Variants in TTC19 observed in about 807,000 individuals in gnomAD.
The protein encoded by TTC19 is tetratricopeptide repeat domain 19.
Under a neutral mutation model 49.5 loss-of-function variants are expected in TTC19, and 38 were observed. The observed-to-expected ratio is 0.77, with a 90% CI of 0.59 to 1.01. The LOEUF is 1.01. TTC19 is among the 50% of genes least tolerant of loss of function. TTC19 has a pLI of 0.00. For missense variants in TTC19, 475 were observed against 477.7 expected, an observed-to-expected ratio of 0.99 and a Z score of 0.05; for synonymous variants, 204 against 185.2, an observed-to-expected ratio of 1.10 and a Z score of -0.83.
intron 7 of TTC19, chr17:16,024,798 A>G: frequency 1.8e-6 from 1 of 566,922 alleles, no homozygotes; most frequent in South Asian, 2.1e-5. Flanking sequence ...CAAACTAAAA[A>G]TAACATTCCA....
chr17:16,004,056 T>C, intron 5 of TTC19, 145 bp from the exon 6 acceptor site: 1 of 1,109,808 alleles, frequency 9.0e-7, no homozygotes, highest in Middle Eastern at 2.0e-4. Flanking sequence ...AACAGCATGC[T>C]TGCCAAGGAA....
At chr17:16,011,463 G>A (rs1447722994) in intron 7 of TTC19, among the ~76,000 whole-genome samples, 1 of 152,204 alleles carries the variant, frequency 6.6e-6, no homozygotes, top group Non-Finnish European at 1.5e-5. Flanking sequence ...GTGAGCCACC[G>A]CGCCCGGCCG....
intron 3 of TTC19, 31 bp downstream of exon 3, chr17:16,002,056 T>TG: frequency 1.4e-6 from 2 of 1,469,660 alleles, no homozygotes; most frequent in Non-Finnish European, 1.9e-6. Flanking sequence ...GAACCACTGA[T>TG]GAGGAAGGTT....
In TTC19 at chr17:16,035,605, G is replaced by A. The variant is rs371302231; in HGVS notation, c.248-8898G>A. ...GGCTGCACTGCAGTGGCACAATCAC[G>A]GCTTACCAGCTCACTAAAGCCTCAA... On this transcript the variant is annotated intron_variant, in intron 2 of 2. Transcript: ENST00000470649. Among the ~76,000 whole-genome samples, 10 of 149,076 alleles carry A rather than the reference G, an allele frequency of 6.7e-5. No individual in the cohort carries two copies. The South Asian group carries it at 1.5e-3, about 22-fold the overall frequency.
At chr17:16,024,110 T>C (rs917405767) in intron 7 of TTC19, 3 of 152,200 alleles carry the variant, frequency 2.0e-5, no homozygotes, top group South Asian at 4.1e-4. Context: ...CAGGTTGATA[T>C]AGGTTACCGT....
chr17:16,024,133 TG>T (rs1173942247), intron 7 of TTC19: 11 of 152,224 alleles, frequency 7.2e-5, no homozygotes, highest in African/African-American at 2.7e-4. Context: ...TCTAGATCTG[TG>T]TCTCCAATTC....
intron 2 of TTC19, 188 bp downstream of exon 2, chr17:16,000,433 A>G: frequency 1.4e-6 from 2 of 1,440,924 alleles, no homozygotes; most frequent in Admixed American, 2.4e-5. Context: ...TCCGACTCTA[A>G]GGCCTGCAGT....
At chr17:16,031,910 A>G, downstream of TTC19, 1 of 242,036 alleles carries the variant, frequency 4.1e-6, no homozygotes, top group East Asian at 6.0e-5. Context: ...GCTGATTTGA[A>G]CATAAGTACA....
chr17:16,008,546 T>A (rs188062771), intron 7 of TTC19, among the ~76,000 whole-genome samples: 1 of 152,212 alleles, frequency 6.6e-6, no homozygotes, highest in South Asian at 2.1e-4. Flanking sequence ...AAGACCTCAG[T>A]ACCTTTGTAT....
chr17:16,044,761 T>G, exon 3 of TTC19: 1 of 867,920 alleles, frequency 1.2e-6, no homozygotes, highest in Non-Finnish European at 2.0e-6. Flanking sequence ...CCAGCTTGTT[T>G]GCAATGGCCC....
intron 2 of TTC19, chr17:16,040,734 A>G (rs2057406667): frequency 1.9e-6 from 1 of 535,084 alleles, no homozygotes; most frequent in African/African-American, 1.9e-5. Context: ...AGGAACATCA[A>G]AAGAAGAGCA....
At chr17:16,034,180 C>T (rs908829744), downstream of TTC19, among the ~76,000 whole-genome samples, 3 of 152,254 alleles carry the variant, frequency 2.0e-5, no homozygotes, top group South Asian at 2.1e-4. Flanking sequence ...AGTCAATGTT[C>T]GCTACCAGTG....
intron 2 of TTC19, chr17:16,000,453 G>A (rs1002197049): frequency 9.3e-6 from 13 of 1,394,500 alleles, no homozygotes; most frequent in Non-Finnish European, 1.1e-5. Flanking sequence ...TAAAACCTCT[G>A]CAGTGTCAAG....
At chr17:16,041,417 T>TTTTTTTTTTTTC (rs2057565621) in intron 2 of TTC19, 1 of 149,054 alleles carries the variant, frequency 6.7e-6, no homozygotes, top group Non-Finnish European at 1.5e-5. Context: ...TTTTTTTTTT[T>TTTTTTTTTTTTC]TTTTTCCTTT....
intron 7 of TTC19, among the ~76,000 whole-genome samples, chr17:16,009,302 A>G (rs1016646207): frequency 5.9e-5 from 9 of 152,368 alleles, no homozygotes; most frequent in African/African-American, 2.2e-4. Flanking sequence ...TTCAAAAAAT[A>G]ATACCAGTAA....
intron 7 of TTC19, among the ~76,000 whole-genome samples, chr17:16,021,575 GC>G (rs1470804779): frequency 6.6e-6 from 1 of 152,122 alleles, no homozygotes; most frequent in Admixed American, 6.5e-5. Context: ...GGTAGGGAAG[GC>G]CTTGTTAGTA....
rs1970918886 is a variant in TTC19, at chr17:16,006,670, AC to A, written c.676+104del. The A allele has an allele frequency of 1.2e-5, 10 of 828,180 alleles. No homozygotes were observed. In the Admixed American group the frequency reaches 2.2e-4, roughly 18 times the overall value. The allele number at this position is 828,180 out of a possible 1,614,324, so 51.3% of individuals were successfully genotyped here. On this transcript the variant is annotated intron_variant, in intron 7 of 9. Coordinates refer to ENST00000261647, the MANE Select transcript of TTC19 (RefSeq NM_017775.4). ...ATCTAAATTGGGAAGAGGGAAAGTTACCTATTTTGCAAAATAAGTGTCTGTC... is the reference window on the plus strand; with the variant it reads ...ATCTAAATTGGGAAGAGGGAAAGTTACTATTTTGCAAAATAAGTGTCTGTC...
intron 2 of TTC19, chr17:16,040,518 T>TTAA: frequency 6.2e-7 from 1 of 1,604,620 alleles, no homozygotes; most frequent in Non-Finnish European, 8.5e-7. Context: ...AACATTCAAG[T>TTAA]TAATTAAGAT....
chr17:16,008,700 G>A (rs1299310187), intron 7 of TTC19, among the ~76,000 whole-genome samples: 2 of 152,058 alleles, frequency 1.3e-5, no homozygotes, highest in Non-Finnish European at 2.9e-5. Context: ...CACATTCCAA[G>A]CTTAGTGCCA....
Sources: gnomAD v4.1 joint callset for allele counts (sites outside exome capture counted in the v4.1 genomes callset) on GRCh38, gnomAD v4.1.1 for gene constraint, MANE v1.5 for transcripts, NCBI Gene and HGNC (gene_info 2026-07-23, HGNC 2026-07-21) for gene names.